Variants in BCAR1 observed in about 807,000 individuals in gnomAD.
The protein encoded by BCAR1 is BCAR1 scaffold protein, Cas family member.
BCAR1 carries 30 observed loss-of-function variants against 67.6 expected under a neutral mutation model. That is an observed-to-expected ratio of 0.44 (90% CI 0.33 to 0.60). The LOEUF is 0.60. Among genes scored for constraint, BCAR1 ranks in the 20% least tolerant of loss-of-function variants. BCAR1 has a pLI of 0.02. For missense variants in BCAR1, 1,313 were observed against 1,222.3 expected (o/e 1.07, Z -1.11); for synonymous variants, 626 against 556.7 (o/e 1.12, Z -1.75).
At chr16:75,254,411 G>C (rs1487628078), upstream of BCAR1, among the ~76,000 whole-genome samples, 1 of 152,230 alleles carries the variant, frequency 6.6e-6, no homozygotes, top group African/African-American at 2.4e-5. Flanking sequence ...AGCCCCATTG[G>C]TGAGAAGGGG....
chr16:75,234,755 G>C, intron 5 of BCAR1, 134 bp downstream of exon 5: 1 of 1,350,576 alleles, frequency 7.4e-7, no homozygotes, highest in South Asian at 1.7e-5. Flanking sequence ...CCAATGTGGG[G>C]TGAGGGAGGT....
intron 5 of BCAR1, among the ~76,000 whole-genome samples, chr16:75,234,538 A>G (rs2077030438): frequency 6.6e-6 from 1 of 152,174 alleles, no homozygotes; most frequent in Non-Finnish European, 1.5e-5. Flanking sequence ...CCTCTGCTCC[A>G]GGGGCCAGCC....
chr16:75,236,840 C>A, intron 4 of BCAR1, 42 bp downstream of exon 4: 5 of 1,599,590 alleles, frequency 3.1e-6, no homozygotes, highest in Non-Finnish European at 4.3e-6. Flanking sequence ...AGACACCCCA[C>A]AGCCTCAGCC....
At chr16:75,239,639 A>T (rs1203950867) in intron 2 of BCAR1, among the ~76,000 whole-genome samples, 1 of 152,254 alleles carries the variant, frequency 6.6e-6, no homozygotes, top group South Asian at 2.1e-4. Flanking sequence ...GTCCCAATCC[A>T]GGAGCCTCGT....
chr16:75,241,411 C>T (rs1294398770), intron 2 of BCAR1, among the ~76,000 whole-genome samples: 2 of 152,124 alleles, frequency 1.3e-5, no homozygotes, highest in Non-Finnish European at 2.9e-5. Context: ...TATACCTGGA[C>T]TGTGGCCTGA....
At chr16:75,254,676 T>C (rs1450553870), upstream of BCAR1, among the ~76,000 whole-genome samples, 1 of 152,192 alleles carries the variant, frequency 6.6e-6, no homozygotes, top group African/African-American at 2.4e-5. Context: ...GGGAGACAGC[T>C]GCAGATATGT....
At position 75,229,912 on chromosome 16, in the gene BCAR1, G is replaced by A; in HGVS notation, c.2212C>T (p.Pro738Ser). 1 of 1,608,106 alleles carries A rather than the reference G, an allele frequency of 6.2e-7. No individual in the cohort carries two copies. The highest frequency in any genetic ancestry group is 8.5e-7 in the Non-Finnish European group (1 of 1,175,918). ...LAPGRTGGLG[P>S]SDRQLLLFYL... is the part of the protein sequence containing the mutation. ...AAGAGCAGCAGCTGCCGGTCCGAGG[G>A]CCCCAGGCCGCCTGTTCGCCCCGGG... The change falls in exon 7 of 7, where the codon CCC becomes TCC. Residue 738 changes from proline to serine, a missense_variant. Pro to Ser is a moderately conservative substitution (Grantham distance 74). Transcript: ENST00000162330.
intron 2 of BCAR1, chr16:75,238,999 T>C: frequency 2.0e-6 from 2 of 985,326 alleles, no homozygotes; most frequent in Non-Finnish European, 2.4e-6. Context: ...CCTCACGCGG[T>C]GAGGCCCAGG....
At chr16:75,231,007 G>T (rs937945645) in intron 6 of BCAR1, among the ~76,000 whole-genome samples, 2 of 151,740 alleles carry the variant, frequency 1.3e-5, no homozygotes, top group East Asian at 1.9e-4. Flanking sequence ...CCCTGACAGA[G>T]CACAGGCAAC....
chr16:75,229,967 C>G lies in BCAR1; in HGVS notation c.2157G>C (p.Leu719=). The change falls in exon 7 of 7, where the codon CTG becomes CTC. Residue 719 remains leucine (L), a synonymous_variant. Transcript: ENST00000162330. ...GGGGTTGGGCTGGCGTCCAGTTGGCCAGGTCGTGGTCTATGGGCCGTGACA... is the reference window on the plus strand; with the variant it reads ...GGGGTTGGGCTGGCGTCCAGTTGGCGAGGTCGTGGTCTATGGGCCGTGACA... The part of the protein sequence containing the change: ...QEVSRPIDHD[L]ANWTPAQPLA... 1 of 1,590,958 alleles carries G rather than the reference C, an allele frequency of 6.3e-7. No homozygotes were observed. The highest frequency in any genetic ancestry group is 8.6e-7 in the Non-Finnish European group (1 of 1,166,186).
intron 4 of BCAR1, 105 bp from the exon 5 acceptor site, chr16:75,236,091 GAC>G (rs942973795): frequency 9.3e-6 from 13 of 1,403,224 alleles, no homozygotes; most frequent in East Asian, 2.5e-5. Context: ...CACACATACA[GAC>G]ACACACACAG....
At chr16:75,263,188 A>T (rs998458502) in intron 1 of BCAR1, 3 of 984,770 alleles carry the variant, frequency 3.0e-6, no homozygotes, top group Non-Finnish European at 2.4e-6. Context: ...CACAGATGGG[A>T]AGCAAGAAGC....
At chr16:75,234,160 G>GACACACACACACACAC (rs1296996116) in intron 5 of BCAR1, among the ~76,000 whole-genome samples, 9 of 87,868 alleles carry the variant, frequency 1.0e-4, no homozygotes, top group East Asian at 6.7e-4. Context: ...GGGGCAGGCA[G>GACACACACACACACAC]ACAGACACAC....
At chr16:75,263,396 G>C (rs1436290619) in intron 1 of BCAR1, 9 of 985,452 alleles carry the variant, frequency 9.1e-6, no homozygotes, top group Non-Finnish European at 1.1e-5. Context: ...CGCTGGGCGA[G>C]AGGAAGGCAT....
chr16:75,229,987 G>A lies in BCAR1; in HGVS notation c.2137C>T (p.Arg713Trp), dbSNP rs373196130. 6.6e-5 allele frequency: 103 copies of A among 1,569,512 alleles called. No individual in the cohort carries two copies. The highest frequency in any genetic ancestry group is 2.9e-5 in the Non-Finnish European group (34 of 1,155,534). ...TTGGCCAGGTCGTGGTCTATGGGCC[G>A]TGACACCTCCTGTTCCAGTCGTTCA... ...QFERLEQEVS[R>W]PIDHDLANWT... The change falls in exon 7 of 7, where the codon CGG (arginine) becomes TGG (tryptophan). Residue 713 changes from arginine to tryptophan, a missense_variant. Coordinates refer to ENST00000162330, the MANE Select transcript of BCAR1 (RefSeq NM_014567.5).
At chr16:75,264,494 C>T (rs1478694105) in intron 1 of BCAR1, 2 of 1,444,108 alleles carry the variant, frequency 1.4e-6, no homozygotes, top group Non-Finnish European at 1.8e-6. Flanking sequence ...AAGGGCTTGG[C>T]AGGCATGTTC....
chr16:75,238,430 C>T (rs370435788), intron 2 of BCAR1: 38 of 1,029,090 alleles, frequency 3.7e-5, no homozygotes, highest in Admixed American at 1.1e-4. Context: ...AGGGCAGCAG[C>T]GCCAAAGCAG....
chr16:75,263,646 C>G, intron 1 of BCAR1: 1 of 985,464 alleles, frequency 1.0e-6, no homozygotes, highest in Non-Finnish European at 1.2e-6. Context: ...ACCCTGCTTC[C>G]CCTCCCATCC....
rs544914917 is a variant in BCAR1 at position 75,263,263 on chromosome 16, G to T, written c.66+4652C>A. 24 of 985,434 alleles carry T rather than the reference G, an allele frequency of 2.4e-5. No individual in the cohort carries two copies. The East Asian group carries it at 1.2e-3, about 51-fold the overall frequency. The allele number at this position is 985,434 out of a possible 1,614,324, so 61.0% of individuals were successfully genotyped here. On this transcript the variant is annotated intron_variant, in intron 1 of 6. Transcript: ENST00000393422. ...GGCCTCTTACCTGGCAGGGCTGGGGGTGGCCAGCACCTGCCACCCCTAAAC... is the reference window on the plus strand; with the variant it reads ...GGCCTCTTACCTGGCAGGGCTGGGGTTGGCCAGCACCTGCCACCCCTAAAC...
Sources: gnomAD v4.1 joint callset for allele counts (sites outside exome capture counted in the v4.1 genomes callset) on GRCh38, gnomAD v4.1.1 for gene constraint, MANE v1.5 for transcripts, NCBI Gene and HGNC (gene_info 2026-07-23, HGNC 2026-07-21) for gene names.